The following ZNF618 variants were observed in gnomAD, a reference collection of about 807,000 sequenced individuals.
The protein encoded by ZNF618 is neural precursor cell expressed, developmentally down-regulated 10.
A neutral mutation model predicts 103.0 loss-of-function variants in ZNF618; 34 were observed. The observed-to-expected ratio is 0.33, with a 90% CI of 0.25 to 0.44. The LOEUF (loss-of-function observed/expected upper bound fraction) is 0.44. ZNF618 is among the 20% of genes least tolerant of loss of function. ZNF618 has a pLI of 1.00. For synonymous variants in ZNF618, 551 were observed against 542.2 expected (o/e 1.02, Z -0.23); for missense variants, 1,059 against 1,295.4 (o/e 0.82, Z 2.80).
chr9:113,987,774 G>T (rs896451483), intron 2 of ZNF618, among the ~76,000 whole-genome samples: 3 of 152,182 alleles, frequency 2.0e-5, no homozygotes, highest in Non-Finnish European at 4.4e-5. Context: ...TGGGAGGGTC[G>T]CTTGAGCCCA....
intron 1 of ZNF618, among the ~76,000 whole-genome samples, chr9:113,902,118 G>A (rs1368127008): frequency 6.6e-6 from 1 of 152,040 alleles, no homozygotes; most frequent in East Asian, 1.9e-4. Context: ...ACGTGAGGGT[G>A]GAGAGTGCAG....
At chr9:114,013,499 C>T (rs950848717) in intron 9 of ZNF618, among the ~76,000 whole-genome samples, 12 of 152,156 alleles carry the variant, frequency 7.9e-5, no homozygotes, top group East Asian at 7.7e-4. Context: ...GGCGCAGTCT[C>T]GGCTCACTGC....
intron 1 of ZNF618, among the ~76,000 whole-genome samples, chr9:113,913,660 C>G (rs187022854): frequency 6.8e-6 from 1 of 146,798 alleles, no homozygotes; most frequent in East Asian, 2.1e-4. Flanking sequence ...TTCTTGAACA[C>G]TGCAGTCAGT....
intron 1 of ZNF618, among the ~76,000 whole-genome samples, chr9:113,961,154 T>C (rs971139015): frequency 4.6e-5 from 7 of 152,214 alleles, no homozygotes; most frequent in Admixed American, 2.6e-4. Flanking sequence ...TCCCTCTTCA[T>C]AGAAGCTCTT....
In ZNF618 at chr9:113,901,134, T is replaced by TC. The variant is rs1176835053; in HGVS notation, c.33+24722dup. On this transcript the variant is annotated intron_variant, in intron 1 of 14. Coordinates refer to ENST00000374126, the MANE Select transcript of ZNF618 (RefSeq NM_001318042.2). Reference sequence around the variant, plus strand: ...CCCGACCTCCTGTCTCCTAGCACCGTCTTCTCCCGCGAACCCGAGCTCCTG... The same window carrying TC: ...CCCGACCTCCTGTCTCCTAGCACCGTCCTTCTCCCGCGAACCCGAGCTCCTG... 2.7e-4 allele frequency among the ~76,000 whole-genome samples: 40 copies of TC among 149,410 alleles called. 6 individuals are homozygous for TC. The highest frequency in any genetic ancestry group is 9.1e-4 in the African/African-American group (37 of 40,566).
chr9:113,877,899 AAC>A (rs1300648424), intron 1 of ZNF618, among the ~76,000 whole-genome samples: 2 of 152,186 alleles, frequency 1.3e-5, no homozygotes, highest in Non-Finnish European at 2.9e-5. Flanking sequence ...TGAAAAAACT[AAC>A]AGTGGATTCA....
intron 3 of ZNF618, among the ~76,000 whole-genome samples, chr9:113,995,860 C>T (rs761529930): frequency 2.4e-4 from 36 of 151,960 alleles, no homozygotes; most frequent in Non-Finnish European, 4.1e-4. Context: ...GGGCAGGCAC[C>T]GTGGTAGGAT....
At chr9:114,012,476 A>C (rs946903072) in intron 9 of ZNF618, among the ~76,000 whole-genome samples, 1 of 152,188 alleles carries the variant, frequency 6.6e-6, no homozygotes, top group African/African-American at 2.4e-5. Context: ...CCATCTCCAC[A>C]TGCTATCACA....
intron 13 of ZNF618, among the ~76,000 whole-genome samples, chr9:114,042,583 CTT>C (rs1402393413): frequency 6.6e-6 from 1 of 152,194 alleles, no homozygotes; most frequent in Admixed American, 6.5e-5. Flanking sequence ...AATCCCAACA[CTT>C]TGGGAAGCTG....
intron 2 of ZNF618, among the ~76,000 whole-genome samples, chr9:113,975,923 C>T (rs747355158): frequency 1.3e-4 from 20 of 152,044 alleles, no homozygotes; most frequent in Non-Finnish European, 2.5e-4. Flanking sequence ...TACCAAAATT[C>T]GGGCAAAGTT....
intron 3 of ZNF618, among the ~76,000 whole-genome samples, chr9:113,997,058 T>C (rs200796494): frequency 3.6e-5 from 3 of 83,174 alleles, no homozygotes; most frequent in African/African-American, 1.0e-4. Flanking sequence ...CTCTCTCTCT[T>C]TCTTTTTTTT....
chr9:114,030,107 G>A (rs1843875406), intron 11 of ZNF618, among the ~76,000 whole-genome samples: 1 of 152,172 alleles, frequency 6.6e-6, no homozygotes, highest in African/African-American at 2.4e-5. Context: ...GATCCACTTG[G>A]TTCATTCGGT....
Position 114,055,753 on chromosome 9 carries a change from A to C in ZNF618, c.*5586A>C, listed in dbSNP as rs10817559. On this transcript the variant is annotated 3_prime_UTR_variant, in exon 15 of 15. Transcript: ENST00000374126. ...AAAAATTTACAAAAAAACAAACACA[A>C]AAAAAATATCTTTTTTAGGCCAGAG... The C allele has an allele frequency of 0.18, 27,666 of 152,284 alleles. 2,833 individuals carry two copies. The highest frequency in any genetic ancestry group is 0.31 in the Middle Eastern group (90 of 294). The allele number at this position is 152,284 out of a possible 1,614,324, so 9.4% of individuals were successfully genotyped here.
At chr9:113,958,607 G>A (rs1449990581) in intron 1 of ZNF618, among the ~76,000 whole-genome samples, 6 of 152,212 alleles carry the variant, frequency 3.9e-5, no homozygotes, top group South Asian at 4.1e-4. Flanking sequence ...AGGAACGGAG[G>A]CACTGAGAGA....
At chr9:113,965,283 T>A (rs552921686) in intron 1 of ZNF618, among the ~76,000 whole-genome samples, 2 of 152,290 alleles carry the variant, frequency 1.3e-5, no homozygotes, top group Middle Eastern at 3.4e-3. Flanking sequence ...AACTTACATT[T>A]GCACAAATTT....
chr9:113,950,749 G>A (rs1047091976), intron 1 of ZNF618, among the ~76,000 whole-genome samples: 31 of 152,120 alleles, frequency 2.0e-4, no homozygotes, highest in Non-Finnish European at 3.7e-4. Flanking sequence ...GCTCCAACCC[G>A]GCCTCAGGTG....
intron 1 of ZNF618, among the ~76,000 whole-genome samples, chr9:113,892,143 C>T (rs950651503): frequency 1.3e-5 from 2 of 152,122 alleles, no homozygotes; most frequent in Non-Finnish European, 2.9e-5. Flanking sequence ...ATCTGTTGCA[C>T]GACAGTGTGA....
intron 13 of ZNF618, among the ~76,000 whole-genome samples, chr9:114,047,532 A>C (rs1845759227): frequency 1.3e-5 from 2 of 152,080 alleles, no homozygotes; most frequent in Non-Finnish European, 2.9e-5. Flanking sequence ...TATCAGCTAG[A>C]ACTCTGTGGT....
At chr9:113,967,060 C>G (rs1032823766) in intron 1 of ZNF618, among the ~76,000 whole-genome samples, 1 of 152,176 alleles carries the variant, frequency 6.6e-6, no homozygotes, top group Non-Finnish European at 1.5e-5. Context: ...CTGGTCAACT[C>G]TGTGTGAAAT....
Sources: gnomAD v4.1 joint callset for allele counts (sites outside exome capture counted in the v4.1 genomes callset) on GRCh38, gnomAD v4.1.1 for gene constraint, MANE v1.5 for transcripts, NCBI Gene and HGNC (gene_info 2026-07-23, HGNC 2026-07-21) for gene names.